MED13: variants seen among roughly 807,000 people sequenced by gnomAD.
The protein encoded by MED13 is mediator complex subunit 13.
Under a neutral mutation model 225.2 loss-of-function variants are expected in MED13, and 23 were observed. The ratio of observed to expected loss-of-function variants is 0.10; its 90% confidence interval spans 0.07 to 0.14. MED13 has a LOEUF of 0.14. MED13 is among the 10% of genes least tolerant of loss of function. The probability of loss-of-function intolerance (pLI) is 1.00; values close to 1 mark genes in which losing one functional copy is unlikely to be tolerated. For missense variants in MED13, 2,197 were observed against 2,594.5 expected, an observed-to-expected ratio of 0.85 and a Z score of 3.33; for synonymous variants, 942 against 889.2, an observed-to-expected ratio of 1.06 and a Z score of -1.06.
intron 3 of MED13, among the ~76,000 whole-genome samples, chr17:62,046,837 CA>C (rs892408853): frequency 1.3e-3 from 184 of 141,810 alleles, no homozygotes; most frequent in Middle Eastern, 0.011. Flanking sequence ...GACCTTATCT[CA>C]AAAAAAAAAA....
chr17:61,981,940 T>C (rs762368607), intron 16 of MED13, among the ~76,000 whole-genome samples: 3 of 152,226 alleles, frequency 2.0e-5, no homozygotes, highest in Non-Finnish European at 4.4e-5. Context: ...AGCAATGTTA[T>C]GCTAATAAAT....
At chr17:61,969,113 T>C (rs1396946631) in intron 17 of MED13, among the ~76,000 whole-genome samples, 1 of 152,028 alleles carries the variant, frequency 6.6e-6, no homozygotes, top group Non-Finnish European at 1.5e-5. Context: ...TTCAGCACTT[T>C]GGGAGGCCGA....
chr17:61,945,948 A>G lies in MED13; in HGVS notation c.*520T>C, dbSNP rs551149953. The stretch of plus-strand genomic sequence containing the variant: ...AATTGCTTTAAAGCAAGAAGGCAGT[A>G]TAAACCTTCTAGGAAAATTTTTATA... On this transcript the variant is annotated 3_prime_UTR_variant, in exon 30 of 30. Transcript: ENST00000397786. 2.5e-4 allele frequency: 38 copies of G among 152,860 alleles called. No homozygotes were observed. The highest frequency in any genetic ancestry group is 9.1e-4 in the African/African-American group (38 of 41,586). 9.5% of individuals were successfully genotyped at this position (152,860 alleles called of 1,614,324 possible).
In MED13 at chr17:61,958,143, C is replaced by T. The variant is rs112660861; in HGVS notation, c.5481-1662G>A. ...CCTCCCAAAGTGCTGGGATTACAGG[C>T]GTGAGCCACCGCGCCCAGCTGGCTA... On this transcript the variant is annotated intron_variant, in intron 23 of 29. Coordinates refer to ENST00000397786, the MANE Select transcript of MED13 (RefSeq NM_005121.3). Among the ~76,000 whole-genome samples the T allele has an allele frequency of 2.7e-3, 415 of 152,146 alleles. 2 individuals are homozygous for T. Among genetic ancestry groups the T allele is most frequent in the African/African-American group, 9.6e-3 (399 of 41,522 alleles).
chr17:61,969,209 G>C (rs190830227), intron 17 of MED13, among the ~76,000 whole-genome samples: 26 of 152,216 alleles, frequency 1.7e-4, no homozygotes, highest in Middle Eastern at 3.4e-3. Context: ...TACAAAATTA[G>C]CCGGGCATGG....
chr17:61,994,992 T>C (rs756639914), intron 10 of MED13, among the ~76,000 whole-genome samples, 160 bp downstream of exon 10: 2 of 152,244 alleles, frequency 1.3e-5, no homozygotes, highest in Admixed American at 1.3e-4. Flanking sequence ...ATTACAGGCA[T>C]GAGCCACCGC....
At chr17:62,000,412 C>G (rs1239647714) in intron 9 of MED13, among the ~76,000 whole-genome samples, 4 of 152,212 alleles carry the variant, frequency 2.6e-5, no homozygotes, top group Non-Finnish European at 4.4e-5. Context: ...GATGGAATCT[C>G]TCAGCAGGCA....
intron 3 of MED13, among the ~76,000 whole-genome samples, chr17:62,051,534 A>C (rs965630998): frequency 2.0e-5 from 3 of 152,238 alleles, no homozygotes; most frequent in African/African-American, 7.2e-5. Flanking sequence ...TGTTAACAAT[A>C]AAGGTTTACG....
At chr17:62,002,505 A>G (rs1326919841) in intron 9 of MED13, among the ~76,000 whole-genome samples, 2 of 151,780 alleles carry the variant, frequency 1.3e-5, no homozygotes, top group East Asian at 3.9e-4. Flanking sequence ...AAAAAAAAAA[A>G]AAAAGCCATC....
At chr17:61,962,292 AAAC>A (rs529988194) in intron 21 of MED13, among the ~76,000 whole-genome samples, 26 of 152,202 alleles carry the variant, frequency 1.7e-4, no homozygotes, top group African/African-American at 2.7e-4. Flanking sequence ...CTCAGAAAAA[AAAC>A]AACAACAAAA....
Position 61,982,991 on chromosome 17 carries a change from T to C in MED13, c.3012A>G (p.Pro1004=). ...SNSGAGILPS[P]STPRFPTPRT... ...TTGGAGTTGGAAACCGAGGGGTGGA[T>C]GGAGAAGGAAGAATTCCTGCTCCGC... is the stretch of plus-strand genomic sequence containing the variant. Residue 1004 remains proline (P), a synonymous_variant, in exon 16 of 30, where the codon CCA becomes CCG. Coordinates refer to ENST00000397786, the MANE Select transcript of MED13 (RefSeq NM_005121.3). The C allele has an allele frequency of 6.2e-7, 1 of 1,614,092 alleles. No individual in the cohort carries two copies. The highest frequency in any genetic ancestry group is 8.5e-7 in the Non-Finnish European group (1 of 1,179,990).
intron 8 of MED13, among the ~76,000 whole-genome samples, chr17:62,022,326 T>C (rs1190121602): frequency 1.3e-5 from 2 of 151,910 alleles, no homozygotes; most frequent in African/African-American, 4.8e-5. Flanking sequence ...AAAAACCTAC[T>C]AAATAATTGA....
At position 61,947,000 on chromosome 17, in the gene MED13, G is replaced by A. The variant is rs890732445; in HGVS notation, c.6309C>T (p.His2103=). 6 of 1,613,814 alleles carry A rather than the reference G, an allele frequency of 3.7e-6. No individual in the cohort carries two copies. Among genetic ancestry groups the A allele is most frequent in the Non-Finnish European group, 4.2e-6 (5 of 1,179,854 alleles). ...PLFLKASLHL[H]VPSVQSDELL... ...GCTCGTCAGATTGCACTGAAGGCAC[G>A]TGGAGGTGCAAAGAGGCCTAAGAAG... Residue 2103 remains histidine, a synonymous_variant, in exon 29 of 30, where the codon CAC becomes CAT. Transcript: ENST00000397786.
intron 27 of MED13, among the ~76,000 whole-genome samples, chr17:61,951,967 G>T (rs908059828): frequency 1.3e-5 from 2 of 151,790 alleles, no homozygotes; most frequent in African/African-American, 4.8e-5. Context: ...GTGCGATCTC[G>T]GCTCACTGCA....
intron 16 of MED13, among the ~76,000 whole-genome samples, chr17:61,980,564 G>A (rs774653029): frequency 1.3e-5 from 2 of 151,998 alleles, no homozygotes; most frequent in African/African-American, 2.4e-5. Flanking sequence ...TTCCTTACAC[G>A]TCTTTTGGCA....
chr17:62,037,358 T>C (rs1301082552), intron 3 of MED13, among the ~76,000 whole-genome samples: 1 of 152,066 alleles, frequency 6.6e-6, no homozygotes, highest in African/African-American at 2.4e-5. Context: ...AACCTTATCA[T>C]TCTTGTTAAG....
chr17:61,960,664 A>C (rs1246952534), intron 23 of MED13, among the ~76,000 whole-genome samples: 1 of 152,122 alleles, frequency 6.6e-6, no homozygotes, highest in Non-Finnish European at 1.5e-5. Flanking sequence ...TTTTGTTCAT[A>C]TAATAGATTA....
At chr17:61,988,211 G>A (rs894169169) in intron 11 of MED13, among the ~76,000 whole-genome samples, 2 of 152,094 alleles carry the variant, frequency 1.3e-5, no homozygotes, top group Non-Finnish European at 2.9e-5. Flanking sequence ...AAATGTAATA[G>A]AATGTTGGTA....
intron 9 of MED13, among the ~76,000 whole-genome samples, chr17:62,008,016 C>CAAAAAAAAAAAAAAAAAAAAAAAAA (rs60236710): frequency 9.9e-5 from 5 of 50,508 alleles, no homozygotes; most frequent in African/African-American, 3.4e-4. Context: ...GAGACTGTCT[C>CAAAAAAAAAAAAAAAAAAAAAAAAA]AAAAAAAAAA....
Sources: gnomAD v4.1 joint callset for allele counts (sites outside exome capture counted in the v4.1 genomes callset) on GRCh38, gnomAD v4.1.1 for gene constraint, MANE v1.5 for transcripts, NCBI Gene and HGNC (gene_info 2026-07-23, HGNC 2026-07-21) for gene names.